The following TNPO1 variants were observed in gnomAD, a reference collection of about 807,000 sequenced individuals.
TNPO1 encodes transportin 1.
Under a neutral mutation model 119.5 loss-of-function variants are expected in TNPO1, and 8 were observed. That is an observed-to-expected ratio of 0.07 (90% CI 0.04 to 0.12). The LOEUF is 0.12. TNPO1 is among the 10% of genes least tolerant of loss of function. The probability of loss-of-function intolerance (pLI) is 1.00; values close to 1 mark genes in which losing one functional copy is unlikely to be tolerated. For synonymous variants in TNPO1, 362 were observed against 363.0 expected, an observed-to-expected ratio of 1.00 and a Z score of 0.03; for missense variants, 576 against 1,089.8, an observed-to-expected ratio of 0.53 and a Z score of 6.64.
chr5:72,823,749 G>GA (rs1554047584), intron 1 of TNPO1, among the ~76,000 whole-genome samples: 1 of 151,490 alleles, frequency 6.6e-6, no homozygotes, highest in Non-Finnish European at 1.5e-5. Context: ...AAACTCTGGG[G>GA]TTTTTTTTGC....
At chr5:72,890,566 T>G (rs1748971886) in intron 14 of TNPO1, among the ~76,000 whole-genome samples, 1 of 152,220 alleles carries the variant, frequency 6.6e-6, no homozygotes, top group Non-Finnish European at 1.5e-5. Flanking sequence ...AGAAATTGTT[T>G]TATTTTTAAG....
At chr5:72,856,699 A>G (rs946530332) in intron 4 of TNPO1, among the ~76,000 whole-genome samples, 4 of 152,218 alleles carry the variant, frequency 2.6e-5, no homozygotes, top group Admixed American at 6.5e-5. Flanking sequence ...GTAATTCAGC[A>G]GCAACTTTTT....
chr5:72,863,739 CA>C (rs1197299206), intron 5 of TNPO1, among the ~76,000 whole-genome samples: 8,586 of 69,596 alleles, frequency 0.12, 256 homozygotes, highest in Middle Eastern at 0.25. Flanking sequence ...CCAGCCATCT[CA>C]AAAAAAAAAA....
intron 1 of TNPO1, chr5:72,848,182 C>T (rs940520635): frequency 4.1e-6 from 5 of 1,213,674 alleles, no homozygotes; most frequent in African/African-American, 3.2e-5. Context: ...CAGACGCTGG[C>T]GGCCGGGCTG....
chr5:72,900,179 C>G, intron 21 of TNPO1, 98 bp downstream of exon 21: 1 of 1,133,020 alleles, frequency 8.8e-7, no homozygotes, highest in Non-Finnish European at 1.3e-6. Flanking sequence ...ACAAAAATCA[C>G]AATCCTTTAT....
intron 23 of TNPO1, among the ~76,000 whole-genome samples, chr5:72,904,335 T>G (rs1312737920): frequency 6.6e-6 from 1 of 152,234 alleles, no homozygotes; most frequent in Non-Finnish European, 1.5e-5. Context: ...TTGGATGACT[T>G]CTCTACTTTA....
chr5:72,851,846 G>C (rs1457515156), intron 3 of TNPO1, among the ~76,000 whole-genome samples: 1 of 152,164 alleles, frequency 6.6e-6, no homozygotes, highest in Non-Finnish European at 1.5e-5. Flanking sequence ...ATTCTTTGCA[G>C]ATGAAAAACT....
intron 1 of TNPO1, among the ~76,000 whole-genome samples, chr5:72,831,200 C>T (rs1180553571): frequency 6.6e-6 from 1 of 151,990 alleles, no homozygotes; most frequent in African/African-American, 2.4e-5. Flanking sequence ...CTTATTTCTG[C>T]AGAAGTCTCA....
intron 2 of TNPO1, among the ~76,000 whole-genome samples, chr5:72,850,840 C>G (rs868506907): frequency 6.6e-6 from 1 of 152,116 alleles, no homozygotes; most frequent in African/African-American, 2.4e-5. Context: ...GTTAATTTCT[C>G]TAAATGATCT....
chr5:72,822,908 CTTTT>C (rs56331096), intron 1 of TNPO1, among the ~76,000 whole-genome samples: 6 of 76,080 alleles, frequency 7.9e-5, no homozygotes, highest in Admixed American at 1.7e-4. Context: ...TGGGTCTACA[CTTTT>C]TTTTTTTTTT....
At chr5:72,848,282 T>C (rs761603569) in intron 1 of TNPO1, 103 bp from the exon 2 acceptor site, 44 of 1,337,540 alleles carry the variant, frequency 3.3e-5, no homozygotes, top group Non-Finnish European at 4.3e-5. Flanking sequence ...GCTGGGGTTG[T>C]GGTGGCGGGG....
At chr5:72,905,203 T>G in intron 23 of TNPO1, 100 bp from the exon 24 acceptor site, 1 of 896,246 alleles carries the variant, frequency 1.1e-6, no homozygotes, top group East Asian at 2.5e-5. Context: ...TTAAAATGGA[T>G]AAAATTTATA....
chr5:72,865,513 A>G (rs1297422853), intron 5 of TNPO1, 83 bp from the exon 6 acceptor site: 1 of 1,450,650 alleles, frequency 6.9e-7, no homozygotes, highest in East Asian at 2.3e-5. Flanking sequence ...ATTAGTCCAT[A>G]CAAATTAATC....
In TNPO1 at chr5:72,861,923, A is replaced by G. The variant is rs377758025; in HGVS notation, c.462+9A>G. ...ATTATAATACCTGTGAGGTAAGGAT[A>G]TTTGTTTCATACATAATTGGGTGTT... On this transcript the variant is annotated intron_variant, in intron 5 of 24. Transcript: ENST00000337273. The G allele has an allele frequency of 1.9e-6, 3 of 1,590,074 alleles. No homozygotes were observed. Among genetic ancestry groups the G allele is most frequent in the Non-Finnish European group, 2.6e-6 (3 of 1,158,442 alleles).
Position 72,869,155 on chromosome 5 carries a change from A to G in TNPO1, c.596+3426A>G, listed in dbSNP as rs111691791. Among the ~76,000 whole-genome samples the G allele has an allele frequency of 4.1e-3, 629 of 152,302 alleles. 7 individuals carry two copies. Among genetic ancestry groups the G allele is most frequent in the African/African-American group, 0.014 (596 of 41,546 alleles). On this transcript the variant is annotated intron_variant, in intron 6 of 24. Transcript: ENST00000337273. ...CTCAACTTGAAAAAAATTTTGGGTA[A>G]CGTTACTCCTATTTATAAGGTAAAT...
chr5:72,901,448 C>G (rs191719083), intron 22 of TNPO1, among the ~76,000 whole-genome samples: 466 of 152,274 alleles, frequency 3.1e-3, no homozygotes, highest in African/African-American at 0.011. Flanking sequence ...GGAATACTGT[C>G]TCTCTATTCT....
In TNPO1 at chr5:72,908,808, C is replaced by G. The variant is rs1249066257; in HGVS notation, c.*135C>G. On this transcript the variant is annotated 3_prime_UTR_variant, in exon 25 of 25. Coordinates refer to ENST00000337273, the MANE Select transcript of TNPO1 (RefSeq NM_002270.4). ...AAACCAGTAGGGAATACAGTACAAT[C>G]CCAACCCTACTGGGAGGGGCGGGAG... is the stretch of plus-strand genomic sequence containing the variant. 9.3e-6 allele frequency: 4 copies of G among 428,200 alleles called. No homozygotes were observed. The Admixed American group carries it at 1.0e-4, about 11-fold the overall frequency. 26.5% of individuals were successfully genotyped at this position (428,200 alleles called of 1,614,324 possible). A position where few individuals can be genotyped will look rare whatever the true frequency, so the allele number is the denominator to read the frequency against.
At position 72,900,047 on chromosome 5, in the gene TNPO1, G is replaced by A. The variant is rs1201289057; in HGVS notation, c.2380G>A (p.Val794Met). 6.2e-7 allele frequency: 1 copy of A among 1,613,896 alleles called. No individual in the cohort carries two copies. The highest frequency in any genetic ancestry group is 1.7e-5 in the Admixed American group (1 of 59,996). The change falls in exon 21 of 25, where the codon GTG becomes ATG. Residue 794 changes from valine (V) to methionine (M), a missense_variant. Around this residue, in one of 6 missense-constraint regions of TNPO1, gnomAD observed 162 missense variants for 294.1 expected, o/e 0.55. Transcript: ENST00000337273. ...GRLGYVCPQE[V>M]APMLQQFIRP... ...TCTTGGTTACGTTTGTCCTCAAGAGGTGGCCCCCATGCTACAGCAGTTTAT... is the reference window on the plus strand; with the variant it reads ...TCTTGGTTACGTTTGTCCTCAAGAGATGGCCCCCATGCTACAGCAGTTTAT...
At chr5:72,841,527 T>G (rs1167115611) in intron 1 of TNPO1, among the ~76,000 whole-genome samples, 1 of 151,934 alleles carries the variant, frequency 6.6e-6, no homozygotes, top group East Asian at 1.9e-4. Context: ...AATTTTTGTA[T>G]TTTTTTAGTA....
Sources: allele counts gnomAD v4.1 joint callset (sites outside exome capture counted in the v4.1 genomes callset), GRCh38; gene constraint gnomAD v4.1.1; regional missense constraint gnomAD v4.1.1; transcripts MANE v1.5; gene names NCBI Gene and HGNC (gene_info 2026-07-23, HGNC 2026-07-21).